The following DCC variants were observed in gnomAD, a reference collection of about 807,000 sequenced individuals.
DCC encodes netrin receptor DCC.
In DCC, 58 loss-of-function variants were observed where a neutral mutation model predicts 172.5. The observed-to-expected ratio is 0.34, with a 90% CI of 0.27 to 0.42. The LOEUF (loss-of-function observed/expected upper bound fraction) is 0.42. Ranked by LOEUF, DCC falls within the 10% of genes least tolerant of loss-of-function variation. DCC has a pLI of 1.00. For missense variants in DCC, 1,740 were observed against 1,791.0 expected (o/e 0.97, Z 0.51); for synonymous variants, 709 against 644.5 (o/e 1.10, Z -1.52).
intron 5 of DCC, among the ~76,000 whole-genome samples, chr18:52,998,861 T>G (rs1270824928): frequency 6.6e-6 from 1 of 151,998 alleles, no homozygotes; most frequent in Non-Finnish European, 1.5e-5. Context: ...CTGTCTGGAG[T>G]ACAAAACTGA....
chr18:53,440,516 A>G (rs561529399), intron 22 of DCC, among the ~76,000 whole-genome samples: 64 of 151,264 alleles, frequency 4.2e-4, no homozygotes, highest in African/African-American at 1.5e-3. Flanking sequence ...TTTTTTTAGA[A>G]TTCAATAACA....
At chr18:52,558,497 G>A (rs1274084973) in intron 1 of DCC, among the ~76,000 whole-genome samples, 1 of 152,088 alleles carries the variant, frequency 6.6e-6, no homozygotes, top group Non-Finnish European at 1.5e-5. Context: ...ATCATTGGCA[G>A]TGAGATGAAC....
intron 2 of DCC, among the ~76,000 whole-genome samples, chr18:52,889,021 T>C (rs1264408574): frequency 1.3e-5 from 2 of 152,070 alleles, no homozygotes; most frequent in Non-Finnish European, 2.9e-5. Flanking sequence ...ACCAATTTAA[T>C]TGGCTTTTCA....
intron 1 of DCC, among the ~76,000 whole-genome samples, chr18:52,698,213 T>C (rs1270008320): frequency 6.6e-6 from 1 of 152,206 alleles, no homozygotes; most frequent in Admixed American, 6.5e-5. Context: ...CATCAAGCCA[T>C]GGATGACTTT....
At chr18:52,971,876 T>C (rs749958147) in intron 5 of DCC, among the ~76,000 whole-genome samples, 3 of 152,070 alleles carry the variant, frequency 2.0e-5, no homozygotes, top group Non-Finnish European at 4.4e-5. Flanking sequence ...TTTCCTGCTA[T>C]GTAGTCTCCA....
rs2040220909 is a variant in DCC, at chr18:52,927,085, A to G, written c.985+1715A>G. On this transcript the variant is annotated intron_variant, in intron 5 of 28. Coordinates refer to ENST00000442544, the MANE Select transcript of DCC (RefSeq NM_005215.4). ...TATATACACACATATATGTGTATAT[A>G]CACGTATATACGTGTATATACACGT... is the stretch of plus-strand genomic sequence containing the variant. 1.9e-5 allele frequency among the ~76,000 whole-genome samples: 2 copies of G among 107,472 alleles called. 1 individual carries two copies. Among genetic ancestry groups the G allele is most frequent in the Admixed American group, 1.7e-4 (2 of 11,440 alleles). 70.5% of individuals were successfully genotyped at this position (107,472 alleles called of 152,430 possible).
chr18:52,382,251 C>T (rs1985617535), intron 1 of DCC, among the ~76,000 whole-genome samples: 1 of 152,080 alleles, frequency 6.6e-6, no homozygotes, highest in South Asian at 2.1e-4. Flanking sequence ...AATTTACGTG[C>T]TATAATAAAA....
At chr18:52,710,591 T>A (rs1306861277) in intron 1 of DCC, among the ~76,000 whole-genome samples, 1 of 152,230 alleles carries the variant, frequency 6.6e-6, no homozygotes, top group African/African-American at 2.4e-5. Flanking sequence ...TTATAGTCCT[T>A]CTGGTTGATG....
intron 11 of DCC, among the ~76,000 whole-genome samples, chr18:53,208,801 C>T (rs1052215293): frequency 2.0e-5 from 3 of 152,130 alleles, no homozygotes; most frequent in African/African-American, 7.2e-5. Context: ...GCAGTCTCAG[C>T]TCACTGCAAC....
chr18:53,512,030 C>G (rs2046262289), intron 27 of DCC, among the ~76,000 whole-genome samples: 1 of 152,152 alleles, frequency 6.6e-6, no homozygotes. Context: ...GACAAAAAGA[C>G]AGCAGTAACC....
At chr18:52,884,421 A>T (rs150331423) in intron 2 of DCC, among the ~76,000 whole-genome samples, 18 of 151,762 alleles carry the variant, frequency 1.2e-4, no homozygotes, top group Middle Eastern at 3.4e-3. Context: ...GTATTTTCAA[A>T]TAGCCTGCCT....
In DCC at chr18:52,868,087, GTGTA is replaced by G; in HGVS notation, c.413-37955_413-37952del. 2.7e-5 allele frequency among the ~76,000 whole-genome samples: 4 copies of G among 148,670 alleles called. No homozygotes were observed. In the South Asian group the frequency reaches 8.5e-4, roughly 32 times the overall value. On this transcript the variant is annotated intron_variant, in intron 2 of 28. Coordinates refer to ENST00000442544, the MANE Select transcript of DCC (RefSeq NM_005215.4). ...TGTGTGTGTGTGTGTGTATATATGT[GTGTA>G]TATATATATGTGTATATTTGTATAT... is the stretch of plus-strand genomic sequence containing the variant.
intron 1 of DCC, among the ~76,000 whole-genome samples, chr18:52,356,513 G>T (rs950325901): frequency 2.0e-5 from 3 of 152,006 alleles, no homozygotes; most frequent in African/African-American, 7.2e-5. Context: ...CTTTTCCTTT[G>T]TTCTTTGTTC....
intron 1 of DCC, among the ~76,000 whole-genome samples, chr18:52,471,384 T>A (rs1283152535): frequency 6.6e-6 from 1 of 152,214 alleles, no homozygotes; most frequent in Admixed American, 6.5e-5. Flanking sequence ...ATCTTTGATA[T>A]GTAAAAGAGA....
intron 1 of DCC, among the ~76,000 whole-genome samples, chr18:52,467,044 TAA>T (rs34627953): frequency 3.0e-4 from 43 of 145,616 alleles, no homozygotes; most frequent in South Asian, 1.5e-3. Context: ...GTGGTTTTTT[TAA>T]AAAAAAAATA....
intron 7 of DCC, among the ~76,000 whole-genome samples, chr18:53,152,579 A>C (rs1598852990): frequency 1.1e-5 from 1 of 91,318 alleles, no homozygotes; most frequent in African/African-American, 5.0e-5. Context: ...AGATGTTCTT[A>C]AAAGAAAAAA....
chr18:53,478,307 T>C (rs1452424186), intron 25 of DCC, among the ~76,000 whole-genome samples: 1 of 152,094 alleles, frequency 6.6e-6, no homozygotes, highest in African/African-American at 2.4e-5. Context: ...GATGAGAGCA[T>C]TCCTTGAAGA....
At chr18:53,084,460 A>AT (rs1227469931) in intron 7 of DCC, among the ~76,000 whole-genome samples, 3 of 152,212 alleles carry the variant, frequency 2.0e-5, no homozygotes, top group African/African-American at 4.8e-5. Context: ...ATACTTTTTT[A>AT]TTTTTTATTT....
At chr18:53,419,684 G>GT (rs1910524430) in intron 21 of DCC, among the ~76,000 whole-genome samples, 1 of 151,908 alleles carries the variant, frequency 6.6e-6, no homozygotes, top group African/African-American at 2.4e-5. Flanking sequence ...CTTAATTCTC[G>GT]TAACAATACT....
Sources: allele counts gnomAD v4.1 joint callset (sites outside exome capture counted in the v4.1 genomes callset), GRCh38; gene constraint gnomAD v4.1.1; transcripts MANE v1.5; gene names NCBI Gene and HGNC (gene_info 2026-07-23, HGNC 2026-07-21).